The following DPP10 variants were observed in gnomAD, a reference collection of about 807,000 sequenced individuals.
DPP10 encodes the protein inactive dipeptidyl peptidase 10.
Under a neutral mutation model 120.9 loss-of-function variants are expected in DPP10, and 33 were observed. The observed-to-expected ratio is 0.27, with a 90% CI of 0.21 to 0.37. The LOEUF (loss-of-function observed/expected upper bound fraction) is 0.37, where lower values mean the gene tolerates loss of function less well. Ranked by LOEUF, DPP10 falls within the 10% of genes least tolerant of loss-of-function variation. DPP10 has a pLI of 1.00. For missense variants in DPP10, 816 were observed against 942.8 expected (o/e 0.87, Z 1.76); for synonymous variants, 337 against 326.1 (o/e 1.03, Z -0.36).
chr2:114,553,373 G>A (rs1688041508), intron 1 of DPP10, among the ~76,000 whole-genome samples: 1 of 152,154 alleles, frequency 6.6e-6, no homozygotes, highest in African/African-American at 2.4e-5. Flanking sequence ...CAGCTCCTTG[G>A]AGTTATTACC....
chr2:115,109,522 G>T (rs766082376), intron 1 of DPP10, among the ~76,000 whole-genome samples: 1 of 149,650 alleles, frequency 6.7e-6, no homozygotes, highest in Non-Finnish European at 1.5e-5. Flanking sequence ...GCAACAGAGC[G>T]AGACTCCGTC....
chr2:115,230,780 G>A (rs13419917), intron 1 of DPP10, among the ~76,000 whole-genome samples: 260 of 152,024 alleles, frequency 1.7e-3, no homozygotes, highest in African/African-American at 5.8e-3. Context: ...CAACAGACAC[G>A]TATAAGGAAG....
chr2:114,547,583 A>G (rs1056738393), intron 1 of DPP10, among the ~76,000 whole-genome samples: 2 of 152,080 alleles, frequency 1.3e-5, no homozygotes, highest in South Asian at 2.1e-4. Context: ...CTGTGTATCC[A>G]TCAGAGTAAT....
chr2:115,226,284 A>G (rs2057430529), intron 1 of DPP10, among the ~76,000 whole-genome samples: 3 of 152,116 alleles, frequency 2.0e-5, no homozygotes, highest in South Asian at 4.1e-4. Flanking sequence ...AATTACCTAT[A>G]GTTCTAGATA....
At chr2:115,148,371 A>T (rs2051347104) in intron 1 of DPP10, among the ~76,000 whole-genome samples, 1 of 152,146 alleles carries the variant, frequency 6.6e-6, no homozygotes, top group South Asian at 2.1e-4. Context: ...GATCTCAGTG[A>T]CATAAACCCC....
chr2:115,276,865 A>G (rs1298612331), intron 1 of DPP10, among the ~76,000 whole-genome samples: 2 of 152,234 alleles, frequency 1.3e-5, no homozygotes, highest in Non-Finnish European at 1.5e-5. Flanking sequence ...GAAAATTTTC[A>G]TAAAGCTTTT....
intron 1 of DPP10, among the ~76,000 whole-genome samples, chr2:115,216,725 C>T (rs908259432): frequency 6.6e-6 from 1 of 152,044 alleles, no homozygotes; most frequent in African/African-American, 2.4e-5. Flanking sequence ...GCGGAAGTTG[C>T]CGTGAGCCCG....
At chr2:115,676,861 C>G (rs2090305453) in intron 5 of DPP10, among the ~76,000 whole-genome samples, 1 of 151,990 alleles carries the variant, frequency 6.6e-6, no homozygotes, top group South Asian at 2.1e-4. Context: ...TAGATTTAAC[C>G]CAAAAATGTC....
chr2:115,820,597 TCCAAGTCC>T (rs1383020096), intron 21 of DPP10, among the ~76,000 whole-genome samples: 5 of 152,084 alleles, frequency 3.3e-5, no homozygotes, highest in Non-Finnish European at 7.4e-5. Context: ...ACTTTTTCCC[TCCAAGTCC>T]CCAAAGTCCA....
At chr2:115,546,289 G>A (rs1047276071) in intron 5 of DPP10, among the ~76,000 whole-genome samples, 2 of 152,016 alleles carry the variant, frequency 1.3e-5, no homozygotes, top group African/African-American at 4.8e-5. Context: ...ATCAAGCTCT[G>A]TTCTAACCCA....
intron 1 of DPP10, among the ~76,000 whole-genome samples, chr2:114,976,081 A>G (rs1042353079): frequency 1.3e-5 from 2 of 152,226 alleles, no homozygotes; most frequent in Admixed American, 1.3e-4. Context: ...TGAACTTTGC[A>G]TAAATGTTTA....
At chr2:115,604,445 A>G (rs1351104032) in intron 5 of DPP10, among the ~76,000 whole-genome samples, 7 of 152,184 alleles carry the variant, frequency 4.6e-5, no homozygotes, top group South Asian at 2.1e-4. Context: ...TCTCAGAGGA[A>G]TGCTCTCAAC....
intron 5 of DPP10, among the ~76,000 whole-genome samples, chr2:115,530,424 T>C (rs2078390818): frequency 6.6e-6 from 1 of 152,002 alleles, no homozygotes; most frequent in South Asian, 2.1e-4. Flanking sequence ...AGAAGAATCA[T>C]ATGCTGGGCT....
chr2:115,153,255 G>A (rs1186303428), intron 1 of DPP10, among the ~76,000 whole-genome samples: 1 of 152,130 alleles, frequency 6.6e-6, no homozygotes, highest in Non-Finnish European at 1.5e-5. Flanking sequence ...ATTTTCTTCT[G>A]ATAAGAAATG....
At chr2:115,500,913 T>C (rs970540142) in intron 4 of DPP10, among the ~76,000 whole-genome samples, 1 of 151,902 alleles carries the variant, frequency 6.6e-6, no homozygotes, top group Non-Finnish European at 1.5e-5. Context: ...TAGAGAATCA[T>C]TGAGAAATAC....
At chr2:115,287,583 T>C (rs777761040) in intron 1 of DPP10, among the ~76,000 whole-genome samples, 1 of 152,154 alleles carries the variant, frequency 6.6e-6, no homozygotes, top group Admixed American at 6.6e-5. Context: ...CTTAGGATAA[T>C]GGCCTCCAGT....
intron 5 of DPP10, among the ~76,000 whole-genome samples, chr2:115,603,148 G>GTGTGTA (rs1553459648): frequency 2.0e-5 from 3 of 149,790 alleles, no homozygotes; most frequent in Admixed American, 1.3e-4. Flanking sequence ...GTGTGTGTGT[G>GTGTGTA]TGTGTGTGTG....
At chr2:114,637,760 A>G (rs1366927075) in intron 1 of DPP10, among the ~76,000 whole-genome samples, 2 of 151,558 alleles carry the variant, frequency 1.3e-5, no homozygotes, top group East Asian at 3.9e-4. Flanking sequence ...CACATTGCTC[A>G]TTTTTGTCAA....
At chr2:115,114,340 G>C (rs2049388169) in intron 1 of DPP10, among the ~76,000 whole-genome samples, 1 of 152,112 alleles carries the variant, frequency 6.6e-6, no homozygotes, top group East Asian at 1.9e-4. Flanking sequence ...AAAAGACATA[G>C]AAAAAGAGAA....
Sources: gnomAD v4.1 joint callset for allele counts (sites outside exome capture counted in the v4.1 genomes callset) on GRCh38, gnomAD v4.1.1 for gene constraint, MANE v1.5 for transcripts, NCBI Gene and HGNC (gene_info 2026-07-23, HGNC 2026-07-21) for gene names.